SCN2B: variants seen among roughly 807,000 people sequenced by gnomAD.
SCN2B encodes sodium voltage-gated channel beta subunit 2.
SCN2B carries 14 observed loss-of-function variants against 18.2 expected under a neutral mutation model. The observed-to-expected ratio is 0.77, with a 90% CI of 0.51 to 1.21. The LOEUF (loss-of-function observed/expected upper bound fraction) is 1.21, where lower values mean the gene tolerates loss of function less well. Ranked by LOEUF, SCN2B falls within the 50% of genes most tolerant of loss-of-function variation. The pLI, the probability that SCN2B is intolerant of heterozygous loss-of-function variation, is 0.00. For synonymous variants in SCN2B, 115 were observed against 115.3 expected, an observed-to-expected ratio of 1.00 and a Z score of 0.02; for missense variants, 262 against 286.9, an observed-to-expected ratio of 0.91 and a Z score of 0.63.
In SCN2B at chr11:118,166,602, C is replaced by T. The variant is rs1342866866; in HGVS notation, c.*285G>A. 2.4e-5 allele frequency: 12 copies of T among 501,666 alleles called. No individual in the cohort carries two copies. In the East Asian group the frequency reaches 4.0e-4, roughly 17 times the overall value. The allele number at this position is 501,666 out of a possible 1,614,324, so 31.1% of individuals were successfully genotyped here. A position where few individuals can be genotyped will look rare whatever the true frequency, so the allele number is the denominator to read the frequency against. On this transcript the variant is annotated 3_prime_UTR_variant, in exon 4 of 4. Coordinates refer to ENST00000278947, the MANE Select transcript of SCN2B (RefSeq NM_004588.5). The stretch of plus-strand genomic sequence containing the variant: ...ACCCACTCCCTTCTCTCTGGGGACC[C>T]TCACATGTGCCTCCTGCCTCCCCCC...
intron 1 of SCN2B, among the ~76,000 whole-genome samples, chr11:118,175,043 A>C (rs902345662): frequency 6.6e-6 from 1 of 152,216 alleles, no homozygotes; most frequent in Non-Finnish European, 1.5e-5. Context: ...TCCCGTTACC[A>C]TAGTCATCTG....
chr11:118,175,277 G>A (rs1342339778), intron 1 of SCN2B, among the ~76,000 whole-genome samples: 1 of 152,206 alleles, frequency 6.6e-6, no homozygotes, highest in African/African-American at 2.4e-5. Flanking sequence ...TGATCATTAC[G>A]TAAATGACAA....
At position 118,176,461 on chromosome 11, in the gene SCN2B, G is replaced by T; in HGVS notation, c.-30C>A. On this transcript the variant is annotated 5_prime_UTR_variant, in exon 1 of 4. Transcript: ENST00000278947. ...AGAGACTGAGATGTTAGTCGGGTGG[G>T]CTACGGGAGAGGGTGATTTGAGGGG... The T allele has an allele frequency of 6.3e-7, 1 of 1,591,604 alleles. No homozygotes were observed. The highest frequency in any genetic ancestry group is 8.6e-7 in the Non-Finnish European group (1 of 1,159,626).
rs777479532 is a variant in SCN2B at position 118,167,058 on chromosome 11, G to C, written c.477C>G (p.Ala159=). The C allele has an allele frequency of 1.2e-6, 2 of 1,613,046 alleles. No individual in the cohort carries two copies. ...CCCCGACGGAGGCACCCACAATCAC[G>C]GCCACCGTGGAGTCCCGCTCAGGGG... is the stretch of plus-strand genomic sequence containing the variant. ...EEPPERDSTV[A]VIVGASVGGF... Residue 159 remains alanine, a synonymous_variant, in exon 4 of 4, where the codon GCC becomes GCG. Transcript: ENST00000278947.
chr11:118,174,214 C>T (rs1410044737), intron 1 of SCN2B, among the ~76,000 whole-genome samples: 2 of 140,362 alleles, frequency 1.4e-5, no homozygotes, highest in African/African-American at 2.6e-5. Flanking sequence ...CACTGGGATA[C>T]AGGCGTGAGC....
Position 118,176,297 on chromosome 11 carries a change from C to T in SCN2B, c.70+65G>A. 3 of 1,392,354 alleles carry T rather than the reference C, an allele frequency of 2.2e-6. No homozygotes were observed. In the East Asian group the frequency reaches 6.8e-5, roughly 32 times the overall value. 86.2% of individuals were successfully genotyped at this position (1,392,354 alleles called of 1,614,324 possible). The stretch of plus-strand genomic sequence containing the variant: ...ATGTCTTCTTTCCTATCCCCTGCCC[C>T]CATCCTCTTCACATTGCGGCTACAC... On this transcript the variant is annotated intron_variant, in intron 1 of 3. Coordinates refer to ENST00000278947, the MANE Select transcript of SCN2B (RefSeq NM_004588.5).
chr11:118,175,257 A>T (rs1045928247), intron 1 of SCN2B, among the ~76,000 whole-genome samples: 2 of 152,248 alleles, frequency 1.3e-5, no homozygotes, highest in African/African-American at 4.8e-5. Flanking sequence ...GGGGTTGAGT[A>T]ACTTGCCTGT....
Position 118,168,552 on chromosome 11 carries a change from C to T in SCN2B, c.237+33G>A, listed in dbSNP as rs148345298. 18 of 1,613,806 alleles carry T rather than the reference C, an allele frequency of 1.1e-5. No homozygotes were observed. The African/African-American group carries it at 2.0e-4, about 18-fold the overall frequency. On this transcript the variant is annotated intron_variant, in intron 2 of 3. Coordinates refer to ENST00000278947, the MANE Select transcript of SCN2B (RefSeq NM_004588.5). This position sits in a 1 kb window ranked among gnomAD's most constrained non-coding sequence, Gnocchi z 4.7. Reference sequence around the variant, plus strand: ...CTTCATGCCATGGGGCTCCTACCTCCTCCCCTGCCCCTGCCTTCAGCCCAG... The same window carrying T: ...CTTCATGCCATGGGGCTCCTACCTCTTCCCCTGCCCCTGCCTTCAGCCCAG...
Position 118,176,454 on chromosome 11 carries a change from C to T in SCN2B, c.-23G>A, listed in dbSNP as rs377289467. 260 of 1,606,288 alleles carry T rather than the reference C, an allele frequency of 1.6e-4. No homozygotes were observed. Among genetic ancestry groups the T allele is most frequent in the Non-Finnish European group, 2.1e-4 (242 of 1,173,348 alleles). ...CATTTTCAGAGACTGAGATGTTAGT[C>T]GGGTGGGCTACGGGAGAGGGTGATT... On this transcript the variant is annotated 5_prime_UTR_variant, in exon 1 of 4. Coordinates refer to ENST00000278947, the MANE Select transcript of SCN2B (RefSeq NM_004588.5).
Position 118,166,720 on chromosome 11 carries a change from A to T in SCN2B, c.*167T>A. Reference sequence around the variant, plus strand: ...TTTCTCGGATGGAAGAGAGTGGGTCACTCTTGGTGCAGGGTGGGAGATACG... The same window carrying T: ...TTTCTCGGATGGAAGAGAGTGGGTCTCTCTTGGTGCAGGGTGGGAGATACG... On this transcript the variant is annotated 3_prime_UTR_variant, in exon 4 of 4. Transcript: ENST00000278947. 2 of 731,634 alleles carry T rather than the reference A, an allele frequency of 2.7e-6. No homozygotes were observed. The highest frequency in any genetic ancestry group is 4.7e-6 in the Non-Finnish European group (2 of 425,888). The allele number at this position is 731,634 out of a possible 1,614,324, so 45.3% of individuals were successfully genotyped here.
At chr11:118,170,707 G>T (rs970073654) in intron 1 of SCN2B, among the ~76,000 whole-genome samples, 34 of 152,148 alleles carry the variant, frequency 2.2e-4, no homozygotes, top group African/African-American at 8.2e-4. Context: ...GGAAGAGTGG[G>T]GGCTACTCCT....
chr11:118,168,456 C>T lies in SCN2B; in HGVS notation c.237+129G>A, dbSNP rs1017056154. On this transcript the variant is annotated intron_variant, in intron 2 of 3. Transcript: ENST00000278947. The surrounding 1 kb of genome is among the most constrained non-coding windows in gnomAD (Gnocchi z 4.7). ...CAGCACACCTTGTTTCAAGAGCCTC[C>T]AGAGCACGCAGCCCACCCAGGGTCC... 3 of 1,365,070 alleles carry T rather than the reference C, an allele frequency of 2.2e-6. No individual in the cohort carries two copies. The African/African-American group carries it at 4.3e-5, about 20-fold the overall frequency. The allele number at this position is 1,365,070 out of a possible 1,614,324, so 84.6% of individuals were successfully genotyped here.
rs1273611772 is a variant in SCN2B at position 118,165,686 on chromosome 11, T to C, written c.*1201A>G. 6.6e-6 allele frequency: 1 copy of C among 152,256 alleles called. No homozygotes were observed. Among genetic ancestry groups the C allele is most frequent in the Non-Finnish European group, 1.5e-5 (1 of 68,090 alleles). The allele number at this position is 152,256 out of a possible 1,614,324, so 9.4% of individuals were successfully genotyped here. ...GAGATGGGGTTTTGCCCATTTCTAC[T>C]AAACAGATGGAGGTAATCCACCCGC... On this transcript the variant is annotated 3_prime_UTR_variant, in exon 4 of 4. Transcript: ENST00000278947.
intron 1 of SCN2B, among the ~76,000 whole-genome samples, chr11:118,175,891 C>G (rs1459787321): frequency 6.6e-6 from 1 of 152,138 alleles, no homozygotes; most frequent in Non-Finnish European, 1.5e-5. Context: ...GCCAAGAAGC[C>G]AGACCCAGAC....
intron 1 of SCN2B, among the ~76,000 whole-genome samples, chr11:118,171,602 C>G (rs567388343): frequency 6.6e-6 from 1 of 152,374 alleles, no homozygotes; most frequent in Admixed American, 6.5e-5. Context: ...AAGCCCAAGG[C>G]AGTGCTCCAG....
At chr11:118,172,076 G>A (rs1175064402) in intron 1 of SCN2B, among the ~76,000 whole-genome samples, 1 of 152,154 alleles carries the variant, frequency 6.6e-6, no homozygotes, top group Non-Finnish European at 1.5e-5. Context: ...GCCAGTCCGG[G>A]CCCTCATTAA....
intron 1 of SCN2B, among the ~76,000 whole-genome samples, chr11:118,174,683 C>G (rs1343376935): frequency 1.3e-5 from 2 of 152,194 alleles, no homozygotes; most frequent in Admixed American, 6.5e-5. Flanking sequence ...CATCTCCCCA[C>G]CCCAAACACT....
intron 1 of SCN2B, among the ~76,000 whole-genome samples, chr11:118,169,866 G>A (rs1948416485): frequency 6.6e-6 from 1 of 152,126 alleles, no homozygotes; most frequent in African/African-American, 2.4e-5. Flanking sequence ...CGAGGGGCCT[G>A]GGGCAAGACA....
chr11:118,166,471 G>A lies in SCN2B; in HGVS notation c.*416C>T, dbSNP rs556609833. On this transcript the variant is annotated 3_prime_UTR_variant, in exon 4 of 4. Transcript: ENST00000278947. The stretch of plus-strand genomic sequence containing the variant: ...CAGGCCAAGGCCCTCCTGAGGGAGC[G>A]CTGTCAGCACAGGAAAGCCCTCCCT... 2.1e-5 allele frequency: 6 copies of A among 282,338 alleles called. No homozygotes were observed. The highest frequency in any genetic ancestry group is 4.2e-5 in the Non-Finnish European group (6 of 144,024). The allele number at this position is 282,338 out of a possible 1,614,324, so 17.5% of individuals were successfully genotyped here.
Sources: allele counts gnomAD v4.1 joint callset (sites outside exome capture counted in the v4.1 genomes callset), GRCh38; gene constraint gnomAD v4.1.1; non-coding constraint Gnocchi (gnomAD v3.1); transcripts MANE v1.5; gene names NCBI Gene and HGNC (gene_info 2026-07-23, HGNC 2026-07-21).